Variants in XG observed in about 807,000 individuals in gnomAD.
XG encodes glycoprotein Xg.
A neutral mutation model predicts 25.7 loss-of-function variants in XG; 24 were observed. That is an observed-to-expected ratio of 0.93 (90% CI 0.68 to 1.31). The LOEUF (loss-of-function observed/expected upper bound fraction) is 1.31, where lower values mean the gene tolerates loss of function less well. XG is among the 40% of genes most tolerant of loss of function. The pLI is 0.00. For missense variants in XG, 181 were observed against 187.6 expected, an observed-to-expected ratio of 0.96 and a Z score of 0.21; for synonymous variants, 77 against 69.2, an observed-to-expected ratio of 1.11 and a Z score of -0.56.
At chrX:2,775,546 C>G (rs1455598257) in intron 3 of XG, among the ~76,000 whole-genome samples, 2 of 152,182 alleles carry the variant, frequency 1.3e-5, no homozygotes, top group Non-Finnish European at 2.9e-5. Context: ...TGGAAGTACA[C>G]AGAGGTGATG....
chrX:2,772,368 C>G (rs1210140363), intron 2 of XG, among the ~76,000 whole-genome samples: 4 of 152,168 alleles, frequency 2.6e-5, no homozygotes. Flanking sequence ...CTCCAGGCAA[C>G]AGAATATGAT....
chrX:2,814,495 T>A lies in XG; in HGVS notation c.*115T>A. 1 of 942,376 alleles carries A rather than the reference T, an allele frequency of 1.1e-6. No homozygotes were observed. Among genetic ancestry groups the A allele is most frequent in the Non-Finnish European group, 1.4e-6 (1 of 690,581 alleles). The allele number at this position is 942,376 out of a possible 1,213,427, so 77.7% of individuals were successfully genotyped here. A position where few individuals can be genotyped will look rare whatever the true frequency, so the allele number is the denominator to read the frequency against. ...ACACAATTTGATGACCTAAAGTGTG[T>A]TTTCTTCTGTGTAAAGTACATGAGC... On this transcript the variant is annotated 3_prime_UTR_variant, in exon 11 of 11. Transcript: ENST00000644266.
intron 4 of XG, among the ~76,000 whole-genome samples, chrX:2,788,388 A>G (rs1045223602): frequency 8.9e-6 from 1 of 112,453 alleles, no homozygotes; most frequent in Non-Finnish European, 1.9e-5. Context: ...TGCACTGATT[A>G]TTTCATTTCG....
At chrX:2,753,549 C>T (rs777573825) in intron 1 of XG, among the ~76,000 whole-genome samples, 18 of 151,940 alleles carry the variant, frequency 1.2e-4, no homozygotes, top group East Asian at 7.7e-4. Context: ...TCAGTACAAA[C>T]GAAAACTGTA....
At chrX:2,753,984 G>A (rs956430562) in intron 1 of XG, among the ~76,000 whole-genome samples, 7 of 152,178 alleles carry the variant, frequency 4.6e-5, no homozygotes, top group African/African-American at 1.7e-4. Context: ...TTGTCCATCC[G>A]TTGGCTGATG....
chrX:2,755,907 G>C (rs1294977042), intron 1 of XG, among the ~76,000 whole-genome samples: 1 of 152,136 alleles, frequency 6.6e-6, no homozygotes, highest in East Asian at 1.9e-4. Flanking sequence ...ACAGATTATT[G>C]TTCAGGATCA....
chrX:2,771,257 T>G (rs2050812371), intron 2 of XG, among the ~76,000 whole-genome samples: 1 of 151,894 alleles, frequency 6.6e-6, no homozygotes, highest in Non-Finnish European at 1.5e-5. Context: ...TTCTTACACT[T>G]CAGTTCATAT....
intron 10 of XG, 43 bp from the exon 11 acceptor site, chrX:2,814,321 T>TG (rs2087084934): frequency 8.4e-7 from 1 of 1,185,806 alleles, no homozygotes; most frequent in African/African-American, 1.8e-5. Flanking sequence ...AAGACTTTTT[T>TG]TTTTGCCCCC....
At chrX:2,756,041 A>C (rs1163140451) in intron 1 of XG, among the ~76,000 whole-genome samples, 2 of 152,166 alleles carry the variant, frequency 1.3e-5, no homozygotes, top group African/African-American at 4.8e-5. Context: ...GGAACTTAAA[A>C]TAAAATAAAG....
Position 2,794,509 on chromosome X carries a change from G to A in XG, c.254-26G>A, listed in dbSNP as rs753976903. The A allele has an allele frequency of 4.1e-6, 5 of 1,206,646 alleles. No homozygotes were observed. In the South Asian group the frequency reaches 5.4e-5, roughly 13 times the overall value. ...GGGGACCTTTGGAGAGGTCTCATGA[G>A]CAATGCCGCGTGCTCTGCCCCACAG... On this transcript the variant is annotated intron_variant, in intron 5 of 10. Transcript: ENST00000644266.
chrX:2,761,469 T>G (rs143158357), intron 1 of XG, among the ~76,000 whole-genome samples: 3 of 147,338 alleles, frequency 2.0e-5, no homozygotes, highest in African/African-American at 7.6e-5. Flanking sequence ...GACTAAGACA[T>G]CTCATAAGAA....
chrX:2,761,609 C>T (rs2050567337), intron 1 of XG, among the ~76,000 whole-genome samples: 2 of 149,544 alleles, frequency 1.3e-5, no homozygotes, highest in Admixed American at 6.7e-5. Flanking sequence ...GATCTCAAGA[C>T]GTCCAGCCTC....
At chrX:2,806,566 C>T in intron 7 of XG, 135 bp from the exon 8 acceptor site, 1 of 557,959 alleles carries the variant, frequency 1.8e-6, no homozygotes, top group Non-Finnish European at 2.9e-6. Context: ...CTTCCCTGGC[C>T]TTGGGAGAGC....
In XG at chrX:2,815,313, G is replaced by C. The variant is rs993625464; in HGVS notation, c.*933G>C. On this transcript the variant is annotated 3_prime_UTR_variant, in exon 11 of 11. Coordinates refer to ENST00000644266, the MANE Select transcript of XG (RefSeq NM_001141919.2). ...GAAATACTTGTGGGGAGAGAAAAAA[G>C]GATGGTTTGGGCATATTGGTATAGT... 8.9e-6 allele frequency: 1 copy of C among 111,819 alleles called. No homozygotes were observed. Among genetic ancestry groups the C allele is most frequent in the Non-Finnish European group, 1.9e-5 (1 of 53,165 alleles). The allele number at this position is 111,819 out of a possible 1,213,427, so 9.2% of individuals were successfully genotyped here. A position where few individuals can be genotyped will look rare whatever the true frequency, so the allele number is the denominator to read the frequency against.
At chrX:2,789,782 ATT>A in intron 5 of XG, 76 bp downstream of exon 5, 1 of 455,441 alleles carries the variant, frequency 2.2e-6, no homozygotes, top group Non-Finnish European at 3.2e-6. Context: ...ATTCTATGTT[ATT>A]TTACTTTATT....
At chrX:2,792,509 TTTTTTC>T (rs942431432) in intron 5 of XG, among the ~76,000 whole-genome samples, 8 of 104,670 alleles carry the variant, frequency 7.6e-5, no homozygotes, top group South Asian at 8.6e-4. Flanking sequence ...TAATTTTTTC[TTTTTTC>T]TTTTTCTTTT....
intron 1 of XG, among the ~76,000 whole-genome samples, chrX:2,761,470 C>T (rs2050564144): frequency 6.6e-6 from 1 of 151,848 alleles, no homozygotes. Flanking sequence ...ACTAAGACAT[C>T]TCATAAGAAG....
At chrX:2,775,293 C>A (rs1331369419) in intron 3 of XG, among the ~76,000 whole-genome samples, 4 of 152,102 alleles carry the variant, frequency 2.6e-5, no homozygotes, top group Non-Finnish European at 4.4e-5. Flanking sequence ...TATTATTTAG[C>A]CTTGAAGAGG....
At chrX:2,809,746 A>G (rs1416471312) in intron 9 of XG, among the ~76,000 whole-genome samples, 1 of 111,706 alleles carries the variant, frequency 9.0e-6, no homozygotes, top group Non-Finnish European at 1.9e-5. Context: ...CGCTTTGACC[A>G]TGTTTCCTGG....
Sources: gnomAD v4.1 joint callset for allele counts (sites outside exome capture counted in the v4.1 genomes callset) on GRCh38, gnomAD v4.1.1 for gene constraint, MANE v1.5 for transcripts, NCBI Gene and HGNC (gene_info 2026-07-23, HGNC 2026-07-21) for gene names.